FHIT: variants seen among roughly 807,000 people sequenced by gnomAD.
The protein encoded by FHIT is fragile histidine triad diadenosine triphosphatase.
In FHIT, 19 loss-of-function variants were observed where a neutral mutation model predicts 17.9. That is an observed-to-expected ratio of 1.06 (90% confidence interval 0.74 to 1.56). The LOEUF is 1.56. Among genes scored for constraint, FHIT ranks in the 40% most tolerant of loss-of-function variants. The pLI, the probability that FHIT is intolerant of heterozygous loss-of-function variation, is 0.00. For missense variants in FHIT, 248 were observed against 189.2 expected (o/e 1.31, Z -1.82); for synonymous variants, 81 against 69.7 (o/e 1.16, Z -0.81).
At chr3:60,066,726 G>C (rs977248585) in intron 5 of FHIT, among the ~76,000 whole-genome samples, 12 of 129,076 alleles carry the variant, frequency 9.3e-5, no homozygotes, top group Admixed American at 8.6e-4. Context: ...GCACGATCTC[G>C]GCTCACTGCA....
intron 3 of FHIT, among the ~76,000 whole-genome samples, chr3:60,904,245 G>C (rs1706273693): frequency 6.6e-6 from 1 of 152,132 alleles, no homozygotes; most frequent in Admixed American, 6.5e-5. Flanking sequence ...GAGAGATAGG[G>C]AGAGGTAGGG....
At chr3:60,600,719 A>G (rs2682967) in intron 4 of FHIT, among the ~76,000 whole-genome samples, 134,964 of 152,194 alleles carry the variant, frequency 0.89, 59,913 homozygotes, top group Admixed American at 0.91. Context: ...ATGGACTGAC[A>G]GAAGGGGAGT....
intron 5 of FHIT, among the ~76,000 whole-genome samples, chr3:60,029,324 T>A (rs1051594700): frequency 4.6e-5 from 7 of 152,190 alleles, no homozygotes; most frequent in Admixed American, 1.3e-4. Flanking sequence ...GGGGTACTTG[T>A]ACTTCCAATG....
Position 60,036,538 on chromosome 3 carries a change from A to G in FHIT, c.104-22386T>C, listed in dbSNP as rs1393638401. Among the ~76,000 whole-genome samples the G allele has an allele frequency of 2.0e-5, 3 of 152,126 alleles. No homozygotes were observed. The East Asian group carries it at 5.8e-4, about 29-fold the overall frequency. ...AATACGTGGTAAGCAATAAAACTTT[A>G]TTTTTTCTTATTTATATCATAAAGA... On this transcript the variant is annotated intron_variant, in intron 5 of 9. Transcript: ENST00000492590.
chr3:59,755,823 C>A (rs1701185298), intron 8 of FHIT, among the ~76,000 whole-genome samples: 1 of 150,308 alleles, frequency 6.7e-6, no homozygotes, highest in African/African-American at 2.5e-5. Context: ...CTTGGTTTCA[C>A]AAAGAAACGT....
intron 3 of FHIT, among the ~76,000 whole-genome samples, chr3:60,824,723 T>C (rs1170923821): frequency 6.6e-6 from 1 of 152,132 alleles, no homozygotes; most frequent in African/African-American, 2.4e-5. Context: ...GCTGTTCTCA[T>C]GAGAGTGAAT....
intron 5 of FHIT, among the ~76,000 whole-genome samples, chr3:60,342,941 T>C (rs1710600415): frequency 6.6e-6 from 1 of 152,136 alleles, no homozygotes; most frequent in Admixed American, 6.6e-5. Context: ...ACAGAAATTA[T>C]ATTAGTAAAC....
chr3:59,909,678 T>TCA (rs1220901989), intron 8 of FHIT, among the ~76,000 whole-genome samples: 1 of 152,174 alleles, frequency 6.6e-6, no homozygotes, highest in East Asian at 1.9e-4. Flanking sequence ...CTTAGCTAGC[T>TCA]CACACACACA....
intron 8 of FHIT, among the ~76,000 whole-genome samples, chr3:59,846,572 A>T (rs1701728595): frequency 6.6e-6 from 1 of 152,194 alleles, no homozygotes; most frequent in Non-Finnish European, 1.5e-5. Context: ...AAAATCCGTT[A>T]TTCTCTTAAT....
intron 4 of FHIT, among the ~76,000 whole-genome samples, chr3:60,798,347 A>G (rs1376794718): frequency 2.6e-5 from 4 of 152,176 alleles, no homozygotes; most frequent in Non-Finnish European, 4.4e-5. Flanking sequence ...CTTTTAAAAA[A>G]CTCACTAAAA....
intron 7 of FHIT, among the ~76,000 whole-genome samples, chr3:59,947,488 T>C (rs1322476970): frequency 6.6e-6 from 1 of 152,210 alleles, no homozygotes; most frequent in African/African-American, 2.4e-5. Flanking sequence ...TTTTGTATGG[T>C]TTTCCATGTC....
At chr3:61,247,606 G>C (rs560029830) in intron 1 of FHIT, among the ~76,000 whole-genome samples, 2 of 152,312 alleles carry the variant, frequency 1.3e-5, no homozygotes, top group Admixed American at 6.5e-5. Context: ...GTGCTGACAA[G>C]ACAGGTTATC....
intron 5 of FHIT, among the ~76,000 whole-genome samples, chr3:60,132,921 C>T (rs1027510451): frequency 2.0e-5 from 3 of 152,120 alleles, no homozygotes; most frequent in East Asian, 1.9e-4. Context: ...CACTTAAATT[C>T]GCTTTTGAGT....
chr3:61,051,328 TGGCAG>T (rs1559942399), intron 2 of FHIT, among the ~76,000 whole-genome samples: 2 of 152,104 alleles, frequency 1.3e-5, no homozygotes, highest in African/African-American at 4.8e-5. Context: ...TGGAGTGCAG[TGGCAG>T]GCACTCCCCA....
At chr3:60,173,586 C>T (rs1161455902) in intron 5 of FHIT, among the ~76,000 whole-genome samples, 3 of 151,890 alleles carry the variant, frequency 2.0e-5, no homozygotes, top group African/African-American at 7.3e-5. Flanking sequence ...GGTTTCCCTG[C>T]CAGGTCCTGA....
At chr3:60,188,481 C>T (rs763325178) in intron 5 of FHIT, among the ~76,000 whole-genome samples, 10 of 152,040 alleles carry the variant, frequency 6.6e-5, no homozygotes, top group East Asian at 1.9e-4. Flanking sequence ...GTATGCTTTC[C>T]GCTGAATGAT....
At chr3:60,748,726 T>G (rs2042407715) in intron 4 of FHIT, among the ~76,000 whole-genome samples, 1 of 151,962 alleles carries the variant, frequency 6.6e-6, no homozygotes, top group Non-Finnish European at 1.5e-5. Context: ...GCAGGAGAAA[T>G]GCTTGAACCC....
chr3:60,921,251 C>T (rs1707264790), intron 3 of FHIT, among the ~76,000 whole-genome samples: 3 of 152,184 alleles, frequency 2.0e-5, no homozygotes. Context: ...TGAACCACTC[C>T]TTTCACAAGA....
At chr3:59,873,354 A>G (rs2106914717) in intron 8 of FHIT, among the ~76,000 whole-genome samples, 1 of 152,304 alleles carries the variant, frequency 6.6e-6, no homozygotes, top group Admixed American at 6.5e-5. Context: ...TATGCCTGAC[A>G]TTGTGCTGGG....
Sources: allele counts gnomAD v4.1 joint callset (sites outside exome capture counted in the v4.1 genomes callset), GRCh38; gene constraint gnomAD v4.1.1; transcripts MANE v1.5; gene names NCBI Gene and HGNC (gene_info 2026-07-23, HGNC 2026-07-21).